The following PIK3CB variants were observed in gnomAD, a reference collection of about 807,000 sequenced individuals.
The protein encoded by PIK3CB is phosphatidylinositol 4,5-bisphosphate 3-kinase catalytic subunit beta isoform.
Under a neutral mutation model 136.8 loss-of-function variants are expected in PIK3CB, and 39 were observed. The observed-to-expected ratio is 0.29, with a 90% confidence interval of 0.22 to 0.37. The LOEUF is 0.37. Among genes scored for constraint, PIK3CB ranks in the 10% least tolerant of loss-of-function variants. PIK3CB has a pLI of 1.00. For synonymous variants in PIK3CB, 428 were observed against 436.6 expected, an observed-to-expected ratio of 0.98 and a Z score of 0.25; for missense variants, 868 against 1,275.4, an observed-to-expected ratio of 0.68 and a Z score of 4.87.
At chr3:138,675,427 A>C (rs528313184) in intron 19 of PIK3CB, among the ~76,000 whole-genome samples, 1 of 152,280 alleles carries the variant, frequency 6.6e-6, no homozygotes, top group South Asian at 2.1e-4. Context: ...AACTCCCCAA[A>C]TTTTATGAAA....
At chr3:138,698,883 G>A (rs552256094) in intron 13 of PIK3CB, 24 bp downstream of exon 13, 6 of 1,528,334 alleles carry the variant, frequency 3.9e-6, no homozygotes, top group South Asian at 1.2e-5. Flanking sequence ...CCCAAAAAAA[G>A]TTATAGAAAC....
chr3:138,802,243 G>A (rs2046184651), intron 1 of PIK3CB, among the ~76,000 whole-genome samples: 1 of 151,380 alleles, frequency 6.6e-6, no homozygotes, highest in Non-Finnish European at 1.5e-5. Context: ...ATCCAGGCAT[G>A]GTGGTGGGCG....
At chr3:138,687,175 A>G (rs1463994927) in intron 16 of PIK3CB, among the ~76,000 whole-genome samples, 1 of 152,086 alleles carries the variant, frequency 6.6e-6, no homozygotes, top group Non-Finnish European at 1.5e-5. Flanking sequence ...GTTTATAGTA[A>G]TAACAAGAAC....
intron 2 of PIK3CB, among the ~76,000 whole-genome samples, chr3:138,789,456 C>T (rs561970991): frequency 1.8e-4 from 28 of 151,972 alleles, no homozygotes; most frequent in Non-Finnish European, 1.5e-5. Flanking sequence ...GAGACCCTAT[C>T]TCAAAAAAAA....
intron 4 of PIK3CB, among the ~76,000 whole-genome samples, chr3:138,750,383 G>T (rs996217409): frequency 6.6e-6 from 1 of 152,114 alleles, no homozygotes; most frequent in Non-Finnish European, 1.5e-5. Context: ...GTTTTGGGAT[G>T]AAACTGTTCC....
chr3:138,688,174 T>C (rs1250799344), intron 16 of PIK3CB, among the ~76,000 whole-genome samples: 1 of 151,752 alleles, frequency 6.6e-6, no homozygotes, highest in Admixed American at 6.6e-5. Flanking sequence ...TAGAAAAGAG[T>C]AGTTTAACTG....
At chr3:138,673,280 C>T (rs2043574281) in intron 19 of PIK3CB, among the ~76,000 whole-genome samples, 1 of 151,768 alleles carries the variant, frequency 6.6e-6, no homozygotes, top group South Asian at 2.1e-4. Flanking sequence ...TTTTCAGAAA[C>T]TAAAAGATGT....
chr3:138,703,571 T>C (rs887170390), intron 12 of PIK3CB, among the ~76,000 whole-genome samples: 8 of 142,728 alleles, frequency 5.6e-5, no homozygotes, highest in Non-Finnish European at 8.8e-5. Context: ...TATGTAGATA[T>C]AGATATAGAT....
intron 8 of PIK3CB, among the ~76,000 whole-genome samples, chr3:138,724,676 C>T (rs559680015): frequency 6.6e-6 from 1 of 152,204 alleles, no homozygotes; most frequent in African/African-American, 2.4e-5. Context: ...CTATCATTAC[C>T]CAGATTCCAT....
At chr3:138,778,206 C>T in intron 2 of PIK3CB, 1 of 458,548 alleles carries the variant, frequency 2.2e-6, no homozygotes, top group Admixed American at 2.3e-5. Context: ...CTGCTGATGC[C>T]CCCATGTTTG....
intron 19 of PIK3CB, among the ~76,000 whole-genome samples, chr3:138,671,311 CAT>C (rs1219431811): frequency 2.0e-5 from 3 of 152,134 alleles, no homozygotes; most frequent in Non-Finnish European, 2.9e-5. Context: ...TATATATACA[CAT>C]ATGTTTCATA....
At chr3:138,667,268 G>A (rs2043432150) in intron 19 of PIK3CB, among the ~76,000 whole-genome samples, 1 of 150,432 alleles carries the variant, frequency 6.6e-6, no homozygotes, top group African/African-American at 2.4e-5. Context: ...GGCTGGAGGA[G>A]AGCACAAGGG....
At chr3:138,717,580 C>T (rs1432705389) in intron 8 of PIK3CB, among the ~76,000 whole-genome samples, 1 of 151,652 alleles carries the variant, frequency 6.6e-6, no homozygotes, top group Non-Finnish European at 1.5e-5. Flanking sequence ...TGTGAAGGTT[C>T]GTTACATAGG....
chr3:138,696,753 T>A (rs924162115), intron 13 of PIK3CB, among the ~76,000 whole-genome samples: 5 of 151,934 alleles, frequency 3.3e-5, no homozygotes, highest in Admixed American at 2.6e-4. Flanking sequence ...CACTAATAGA[T>A]CCCCCCTCCC....
At chr3:138,751,648 T>C (rs1444482474) in intron 4 of PIK3CB, among the ~76,000 whole-genome samples, 24 of 151,986 alleles carry the variant, frequency 1.6e-4, no homozygotes, top group Non-Finnish European at 1.5e-5. Context: ...GAGTGAACAA[T>C]TTATTCATAC....
chr3:138,714,805 A>G, intron 8 of PIK3CB, 86 bp from the exon 9 acceptor site: 1 of 1,185,206 alleles, frequency 8.4e-7, no homozygotes, highest in Non-Finnish European at 1.2e-6. Context: ...GTTTGTTTCT[A>G]CACTAAAAAC....
At chr3:138,712,120 G>C in intron 10 of PIK3CB, 88 bp downstream of exon 10, 1 of 544,736 alleles carries the variant, frequency 1.8e-6, no homozygotes, top group Non-Finnish European at 3.2e-6. Flanking sequence ...TTATTAAATT[G>C]AAAGAACGGT....
At chr3:138,671,615 T>C (rs757102725) in intron 19 of PIK3CB, among the ~76,000 whole-genome samples, 45 of 152,242 alleles carry the variant, frequency 3.0e-4, no homozygotes, top group Non-Finnish European at 5.6e-4. Context: ...GTCACGGACT[T>C]AGGCCCATGA....
chr3:138,781,810 C>A (rs1302137634), intron 2 of PIK3CB, among the ~76,000 whole-genome samples: 1 of 152,218 alleles, frequency 6.6e-6, no homozygotes, highest in South Asian at 2.1e-4. Context: ...GTCCCAGCTA[C>A]TTGGGAGGCT....
Sources: allele counts gnomAD v4.1 joint callset (sites outside exome capture counted in the v4.1 genomes callset), GRCh38; gene constraint gnomAD v4.1.1; transcripts MANE v1.5; gene names NCBI Gene and HGNC (gene_info 2026-07-23, HGNC 2026-07-21).